Variants in DIP2A observed in about 807,000 individuals in gnomAD.
DIP2A encodes the protein DIP2 acetate--CoA ligase A.
DIP2A carries 85 observed loss-of-function variants against 177.4 expected under a neutral mutation model. That is an observed-to-expected ratio of 0.48 (90% CI 0.40 to 0.57). The LOEUF (loss-of-function observed/expected upper bound fraction) is 0.57, where lower values mean the gene tolerates loss of function less well. DIP2A is among the 20% of genes least tolerant of loss of function. The pLI, the probability that DIP2A is intolerant of heterozygous loss-of-function variation, is 0.00. For synonymous variants in DIP2A, 886 were observed against 881.8 expected (o/e 1.00, Z -0.08); for missense variants, 1,791 against 2,100.2 (o/e 0.85, Z 2.88).
At chr21:46,573,692 A>G (rs1176779159), downstream of DIP2A, among the ~76,000 whole-genome samples, 2 of 145,854 alleles carry the variant, frequency 1.4e-5, no homozygotes, top group African/African-American at 2.5e-5. Context: ...AAGATATTCC[A>G]TGCAAATAGT....
rs2060521550 is a variant in DIP2A at position 46,557,855 on chromosome 21, G to GTT, written c.3798+103_3798+104dup. On this transcript the variant is annotated intron_variant, in intron 31 of 37. Coordinates refer to ENST00000417564, the MANE Select transcript of DIP2A (RefSeq NM_015151.4). The surrounding 1 kb of genome is among the most constrained non-coding windows in gnomAD (Gnocchi z 6.0). ...AAGACTCCCAAGGCCCCTCCCTGCA[G>GTT]TTGGAGGAAGTAGAGAAAACCCTTT... 1.4e-6 allele frequency: 2 copies of GTT among 1,383,392 alleles called. No homozygotes were observed. Among genetic ancestry groups the GTT allele is most frequent in the Admixed American group, 4.8e-5 (2 of 42,078 alleles). 85.7% of individuals were successfully genotyped at this position (1,383,392 alleles called of 1,614,324 possible). A position where few individuals can be genotyped will look rare whatever the true frequency, so the allele number is the denominator to read the frequency against.
chr21:46,483,565 G>A (rs1338615193), intron 1 of DIP2A, among the ~76,000 whole-genome samples: 1 of 152,212 alleles, frequency 6.6e-6, no homozygotes, highest in Non-Finnish European at 1.5e-5. Context: ...ACAGGCCGTG[G>A]CTCAGGCTCT....
Position 46,537,020 on chromosome 21 carries a change from C to T in DIP2A, c.1643-204C>T, listed in dbSNP as rs1054570447. Among the ~76,000 whole-genome samples, 1 of 152,098 alleles carries T rather than the reference C, an allele frequency of 6.6e-6. No homozygotes were observed. The highest frequency in any genetic ancestry group is 1.5e-5 in the Non-Finnish European group (1 of 68,028). ...TCAGCGTGGTTCTCTGTGTTAGTTCCATGACCTTCTACTTTTATGTGTTTC... is the reference window on the plus strand; with the variant it reads ...TCAGCGTGGTTCTCTGTGTTAGTTCTATGACCTTCTACTTTTATGTGTTTC... On this transcript the variant is annotated intron_variant, in intron 13 of 37. Transcript: ENST00000417564. The surrounding 1 kb of genome is among the most constrained non-coding windows in gnomAD (Gnocchi z 4.1).
intron 6 of DIP2A, among the ~76,000 whole-genome samples, chr21:46,506,222 A>G (rs1403717058): frequency 6.6e-6 from 1 of 151,958 alleles, no homozygotes; most frequent in Non-Finnish European, 1.5e-5. Flanking sequence ...GGTTCAAGCG[A>G]TTCTCCTGCC....
chr21:46,534,192 TG>T (rs2059465722), intron 12 of DIP2A, 79 bp downstream of exon 12: 8 of 1,184,362 alleles, frequency 6.8e-6, no homozygotes, highest in Non-Finnish European at 9.8e-6. Flanking sequence ...GAATGTAAGT[TG>T]CTATTCTTTT....
rs547039307 is a variant in DIP2A, at chr21:46,518,354, A to G, written c.1102+6740A>G. Among the ~76,000 whole-genome samples the G allele has an allele frequency of 2.6e-5, 4 of 152,266 alleles. No individual in the cohort carries two copies. The South Asian group carries it at 8.3e-4, about 32-fold the overall frequency. On this transcript the variant is annotated intron_variant, in intron 8 of 37. Transcript: ENST00000417564. ...CCGTTCTCCAGTTCACCCTTGGCCCATCAGTGTGGGTGGGCCCTACCTGCT... is the reference window on the plus strand; with the variant it reads ...CCGTTCTCCAGTTCACCCTTGGCCCGTCAGTGTGGGTGGGCCCTACCTGCT...
chr21:46,467,399 G>T (rs886402454), intron 1 of DIP2A, among the ~76,000 whole-genome samples: 2 of 151,690 alleles, frequency 1.3e-5, no homozygotes, highest in Non-Finnish European at 2.9e-5. Context: ...ATAGTGTCTC[G>T]CTCTGTTGCC....
chr21:46,533,933 C>T (rs1046191631), intron 11 of DIP2A, 71 bp from the exon 12 acceptor site: 18 of 1,304,834 alleles, frequency 1.4e-5, no homozygotes, highest in Non-Finnish European at 1.7e-5. Flanking sequence ...ATGTTGGAGG[C>T]GCAGGCTTCG....
chr21:46,494,808 C>T (rs1337193511), intron 3 of DIP2A, among the ~76,000 whole-genome samples: 1 of 152,124 alleles, frequency 6.6e-6, no homozygotes, highest in Non-Finnish European at 1.5e-5. Context: ...CCATTCTTCG[C>T]CATTGGGAAT....
intron 1 of DIP2A, among the ~76,000 whole-genome samples, chr21:46,480,415 T>C (rs1235558013): frequency 1.3e-5 from 2 of 152,122 alleles, no homozygotes; most frequent in Non-Finnish European, 2.9e-5. Context: ...CACGTGGGGA[T>C]TATTACAATT....
rs2060738450 is a variant in DIP2A at position 46,563,545 on chromosome 21, T to C, written c.4090-313T>C. ...ACAGCAGGGTCACTGCACCCCTGGA[T>C]GGATGCCCATCAGGTGCGCTGGCAT... On this transcript the variant is annotated intron_variant, in intron 34 of 37. Coordinates refer to ENST00000417564, the MANE Select transcript of DIP2A (RefSeq NM_015151.4). This position sits in a 1 kb window ranked among gnomAD's most constrained non-coding sequence, Gnocchi z 4.3. The C allele has an allele frequency of 2.9e-6, 1 of 339,602 alleles. No individual in the cohort carries two copies. The highest frequency in any genetic ancestry group is 5.6e-6 in the Non-Finnish European group (1 of 177,294). 21.0% of individuals were successfully genotyped at this position (339,602 alleles called of 1,614,324 possible).
rs957522894 is a variant in DIP2A at position 46,566,006 on chromosome 21, T to G, written c.4339+119T>G. On this transcript the variant is annotated intron_variant, in intron 36 of 37. Coordinates refer to ENST00000417564, the MANE Select transcript of DIP2A (RefSeq NM_015151.4). ...TGCTGTGGTCTGGTATTGCTCCTTG[T>G]GGGGGGAAGATGTTCTGACAGCAGT... 5 of 1,199,572 alleles carry G rather than the reference T, an allele frequency of 4.2e-6. No individual in the cohort carries two copies. In the African/African-American group the frequency reaches 4.7e-5, roughly 11 times the overall value. 74.3% of individuals were successfully genotyped at this position (1,199,572 alleles called of 1,614,324 possible).
intron 1 of DIP2A, among the ~76,000 whole-genome samples, chr21:46,483,520 G>C (rs1445888143): frequency 6.6e-6 from 1 of 152,188 alleles, no homozygotes; most frequent in Non-Finnish European, 1.5e-5. Flanking sequence ...GGAGGTTGTG[G>C]TAGGCTGGTG....
chr21:46,541,015 CAAA>C (rs532906368), intron 17 of DIP2A, among the ~76,000 whole-genome samples: 5 of 71,882 alleles, frequency 7.0e-5, no homozygotes, highest in African/African-American at 4.3e-5. Flanking sequence ...AACTCTGTGT[CAAA>C]AAAAAAAAAA....
intron 1 of DIP2A, among the ~76,000 whole-genome samples, chr21:46,470,334 C>T (rs2055239322): frequency 1.3e-5 from 2 of 152,038 alleles, no homozygotes; most frequent in South Asian, 2.1e-4. Context: ...ATTAGCCAGG[C>T]GTGGTGGCAC....
intron 21 of DIP2A, among the ~76,000 whole-genome samples, chr21:46,548,932 AT>A (rs1287305183): frequency 6.6e-6 from 1 of 152,254 alleles, no homozygotes; most frequent in Non-Finnish European, 1.5e-5. Context: ...CACCCAATTT[AT>A]CCAAATTGTC....
downstream of DIP2A, among the ~76,000 whole-genome samples, chr21:46,570,106 G>A (rs1037224513): frequency 2.6e-5 from 4 of 152,166 alleles, no homozygotes; most frequent in African/African-American, 7.2e-5. Flanking sequence ...GTACATCAGC[G>A]TTGTTTCAAC....
At position 46,556,093 on chromosome 21, in the gene DIP2A, T is replaced by C; in HGVS notation, c.3498+2T>C. 2 of 1,611,884 alleles carry C rather than the reference T, an allele frequency of 1.2e-6. No homozygotes were observed. The highest frequency in any genetic ancestry group is 1.7e-6 in the Non-Finnish European group (2 of 1,178,056). On this transcript the variant is annotated splice_donor_variant, in intron 29 of 37. Transcript: ENST00000417564. LOFTEE classifies it high-confidence loss of function. The surrounding 1 kb of genome is among the most constrained non-coding windows in gnomAD (Gnocchi z 4.5). ...ACTGGGATATTAGCGGGAGTGAAGG[T>C]AGGTCCTCTGAAATCTTGTTTGCTT...
intron 7 of DIP2A, among the ~76,000 whole-genome samples, chr21:46,510,565 C>CT (rs1400127759): frequency 6.0e-5 from 9 of 149,498 alleles, no homozygotes; most frequent in African/African-American, 2.0e-4. Context: ...AAGATTAATT[C>CT]TTTTTAAAGT....
Sources: allele counts gnomAD v4.1 joint callset (sites outside exome capture counted in the v4.1 genomes callset), GRCh38; gene constraint gnomAD v4.1.1; non-coding constraint Gnocchi (gnomAD v3.1); transcripts MANE v1.5; gene names NCBI Gene and HGNC (gene_info 2026-07-23, HGNC 2026-07-21).